Variants in ANLN observed in about 807,000 individuals in gnomAD.
ANLN encodes anillin, actin binding protein.
ANLN carries 59 observed loss-of-function variants against 135.1 expected under a neutral mutation model. The observed-to-expected ratio is 0.44, with a 90% CI of 0.35 to 0.54. The LOEUF is 0.54. Among genes scored for constraint, ANLN ranks in the 20% least tolerant of loss-of-function variants. The pLI, the probability that ANLN is intolerant of heterozygous loss-of-function variation, is 0.00. For missense variants in ANLN, 1,182 were observed against 1,340.0 expected (o/e 0.88, Z 1.84); for synonymous variants, 406 against 456.4 (o/e 0.89, Z 1.41).
chr7:36,396,167 T>C, intron 1 of ANLN, 99 bp from the exon 2 acceptor site: 1 of 1,038,572 alleles, frequency 9.6e-7, no homozygotes, highest in South Asian at 2.5e-5. Context: ...TGTGTTTAAC[T>C]GTCATCCTGT....
chr7:36,445,171 T>TTA, intron 22 of ANLN, among the ~76,000 whole-genome samples: 1 of 143,986 alleles, frequency 6.9e-6, no homozygotes, highest in East Asian at 2.0e-4. Context: ...CTTTTTTTTT[T>TTA]TTTTTTTTTT....
In ANLN at chr7:36,423,901, C is replaced by A. The variant is rs760444295; in HGVS notation, c.2561C>A (p.Ser854Tyr). ...ACACCATTAGCAAGTACTTCAAACT[C>A]TCTTAACGGTGATGCTCTGACATTC... ...VATPLASTSN[S>Y]LNGDALTFTT... Residue 854 changes from serine to tyrosine, a missense_variant, in exon 15 of 24, where the codon TCT becomes TAT. This residue lies in a region of ANLN where 1,022 missense variants were observed against 1,134.0 expected (regional missense o/e 0.90). Coordinates refer to ENST00000265748, the MANE Select transcript of ANLN (RefSeq NM_018685.5). 2 of 1,612,528 alleles carry A rather than the reference C, an allele frequency of 1.2e-6. No individual in the cohort carries two copies. Among genetic ancestry groups the A allele is most frequent in the Admixed American group, 3.3e-5 (2 of 59,846 alleles).
chr7:36,427,009 C>T lies in ANLN; in HGVS notation c.2864C>T (p.Thr955Ile). ...TTATCATTGTCTTCAGTAGGAAATA[C>T]TAAGTTTGTTCTGGACAAGGTAATC... ...YTLSLSSVGN[T>I]KFVLDKVPFL... Residue 955 changes from threonine to isoleucine, a missense_variant, in exon 20 of 24, where the codon ACT becomes ATT. Coordinates refer to ENST00000265748, the MANE Select transcript of ANLN (RefSeq NM_018685.5). 2 of 1,609,676 alleles carry T rather than the reference C, an allele frequency of 1.2e-6. No homozygotes were observed. The highest frequency in any genetic ancestry group is 1.7e-6 in the Non-Finnish European group (2 of 1,177,838).
intron 22 of ANLN, among the ~76,000 whole-genome samples, chr7:36,447,465 C>T (rs1238210952): frequency 6.8e-6 from 1 of 146,666 alleles, no homozygotes; most frequent in African/African-American, 2.5e-5. Flanking sequence ...CGCTCTGTCG[C>T]CCAGGCTGGA....
chr7:36,443,131 GC>G (rs1468829245), intron 21 of ANLN, among the ~76,000 whole-genome samples: 4 of 152,178 alleles, frequency 2.6e-5, no homozygotes, highest in Non-Finnish European at 5.9e-5. Context: ...CAGCACTACT[GC>G]CTTGCCTACC....
intron 21 of ANLN, among the ~76,000 whole-genome samples, chr7:36,442,016 G>A (rs1161665127): frequency 2.0e-5 from 3 of 152,154 alleles, no homozygotes; most frequent in African/African-American, 7.2e-5. Context: ...ATTAATCTGA[G>A]GTGTCAATCT....
intron 3 of ANLN, among the ~76,000 whole-genome samples, chr7:36,402,992 C>T (rs1024300434): frequency 6.6e-6 from 1 of 152,118 alleles, no homozygotes; most frequent in African/African-American, 2.4e-5. Flanking sequence ...TGGTGCATGC[C>T]TGTAATCCCA....
chr7:36,452,222 A>G (rs1789273887), intron 23 of ANLN, among the ~76,000 whole-genome samples: 1 of 152,114 alleles, frequency 6.6e-6, no homozygotes, highest in Non-Finnish European at 1.5e-5. Flanking sequence ...TGTATAAAAC[A>G]CCTGTTGGAA....
At chr7:36,431,951 C>T (rs571470217) in intron 20 of ANLN, among the ~76,000 whole-genome samples, 74 of 152,204 alleles carry the variant, frequency 4.9e-4, no homozygotes, top group Non-Finnish European at 9.7e-4. Flanking sequence ...GTAGCTCATA[C>T]CTACAATCCC....
Position 36,426,810 on chromosome 7 carries a change from T to G in ANLN, c.2771-106T>G, listed in dbSNP as rs1583633911. On this transcript the variant is annotated intron_variant, in intron 19 of 23. Transcript: ENST00000265748. ...GAAGGAAAATGAGGCAGTTTTTTTT[T>G]CTCTGTGGCAGCTTAATTTTCTTCT... 4 of 543,254 alleles carry G rather than the reference T, an allele frequency of 7.4e-6. No homozygotes were observed. The East Asian group carries it at 1.3e-4, about 17-fold the overall frequency. 33.7% of individuals were successfully genotyped at this position (543,254 alleles called of 1,614,324 possible).
intron 8 of ANLN, among the ~76,000 whole-genome samples, chr7:36,416,176 A>G (rs1297184691): frequency 6.6e-6 from 1 of 152,040 alleles, no homozygotes; most frequent in Non-Finnish European, 1.5e-5. Flanking sequence ...GCCTGCCACC[A>G]TGCCCAGCTA....
intron 3 of ANLN, among the ~76,000 whole-genome samples, chr7:36,404,132 G>A (rs1787089794): frequency 6.6e-6 from 1 of 151,966 alleles, no homozygotes; most frequent in South Asian, 2.1e-4. Flanking sequence ...CACCGTGCCC[G>A]GCTAATCTTT....
rs375995480 is a variant in ANLN at position 36,389,917 on chromosome 7, C to T, written c.-110C>T. The T allele has an allele frequency of 5.9e-5, 94 of 1,597,180 alleles. No individual in the cohort carries two copies. The highest frequency in any genetic ancestry group is 7.7e-5 in the Non-Finnish European group (90 of 1,166,996). On this transcript the variant is annotated 5_prime_UTR_variant, in exon 1 of 24. Coordinates refer to ENST00000265748, the MANE Select transcript of ANLN (RefSeq NM_018685.5). ...ACAGCTGGTTGTGGGAGAGTTCCCC[C>T]GCCTCAGACTCCTGGTTTTTTCCAG...
chr7:36,421,659 A>G (rs1787880726), intron 12 of ANLN, among the ~76,000 whole-genome samples, 198 bp from the exon 13 acceptor site: 1 of 152,226 alleles, frequency 6.6e-6, no homozygotes, highest in Non-Finnish European at 1.5e-5. Flanking sequence ...CATAAGGAAT[A>G]ATATTTATAG....
chr7:36,413,871 G>T (rs916630727), intron 7 of ANLN, among the ~76,000 whole-genome samples: 15 of 152,104 alleles, frequency 9.9e-5, no homozygotes, highest in African/African-American at 3.4e-4. Flanking sequence ...GCGGGTGCCT[G>T]TAATCTCAGC....
In ANLN at chr7:36,452,727, G is replaced by C; in HGVS notation, c.*127G>C. 3.0e-6 allele frequency: 3 copies of C among 995,338 alleles called. No homozygotes were observed. The highest frequency in any genetic ancestry group is 4.4e-6 in the Non-Finnish European group (3 of 678,904). The allele number at this position is 995,338 out of a possible 1,614,324, so 61.7% of individuals were successfully genotyped here. The stretch of plus-strand genomic sequence containing the variant: ...AAGGGTTTGTGCCAATATTCACTAC[G>C]TATTATGCAGTATTTATATCTTTTG... On this transcript the variant is annotated 3_prime_UTR_variant, in exon 24 of 24. Transcript: ENST00000265748.
intron 11 of ANLN, 87 bp from the exon 12 acceptor site, chr7:36,420,510 A>G (rs1393811149): frequency 7.8e-7 from 1 of 1,286,514 alleles, no homozygotes; most frequent in Non-Finnish European, 1.1e-6. Context: ...GTTCAATATC[A>G]GTGTCAAATT....
intron 2 of ANLN, among the ~76,000 whole-genome samples, chr7:36,397,071 C>T (rs1786734593): frequency 6.6e-6 from 1 of 151,952 alleles, no homozygotes; most frequent in Admixed American, 6.6e-5. Context: ...TAATAATCTT[C>T]CTTAGTACGA....
intron 20 of ANLN, among the ~76,000 whole-genome samples, chr7:36,435,087 A>C (rs1008946422): frequency 6.6e-6 from 1 of 152,204 alleles, no homozygotes; most frequent in African/African-American, 2.4e-5. Context: ...CAAACCCTAC[A>C]CTTTAAATAT....
Sources: allele counts gnomAD v4.1 joint callset (sites outside exome capture counted in the v4.1 genomes callset), GRCh38; gene constraint gnomAD v4.1.1; regional missense constraint gnomAD v4.1.1; transcripts MANE v1.5; gene names NCBI Gene and HGNC (gene_info 2026-07-23, HGNC 2026-07-21).